Variants in YIPF1 observed in about 807,000 individuals in gnomAD.
YIPF1 encodes the protein Yip1 domain family member 1.
A neutral mutation model predicts 37.0 loss-of-function variants in YIPF1; 22 were observed. That is an observed-to-expected ratio of 0.59 (90% CI 0.42 to 0.85). YIPF1 has a LOEUF of 0.85. Among genes scored for constraint, YIPF1 ranks in the 40% least tolerant of loss-of-function variants. The pLI, the probability that YIPF1 is intolerant of heterozygous loss-of-function variation, is 0.00. For missense variants in YIPF1, 355 were observed against 373.1 expected (o/e 0.95, Z 0.40); for synonymous variants, 128 against 131.9 (o/e 0.97, Z 0.21).
intron 4 of YIPF1, among the ~76,000 whole-genome samples, chr1:53,882,774 C>T (rs1256776133): frequency 1.9e-5 from 2 of 106,120 alleles, no homozygotes; most frequent in Non-Finnish European, 3.8e-5. Flanking sequence ...TGTTATCTTT[C>T]CTACATAGCA....
At chr1:53,856,633 C>T (rs991823401) in intron 10 of YIPF1, among the ~76,000 whole-genome samples, 7 of 152,178 alleles carry the variant, frequency 4.6e-5, no homozygotes, top group Admixed American at 4.6e-4. Context: ...CAAACAAGAG[C>T]CCCTCTCTGA....
chr1:53,871,890 GA>G (rs1307528672), intron 6 of YIPF1, among the ~76,000 whole-genome samples: 1 of 152,058 alleles, frequency 6.6e-6, no homozygotes, highest in Non-Finnish European at 1.5e-5. Flanking sequence ...GCATCACAGA[GA>G]AAGAAGTTAA....
intron 10 of YIPF1, among the ~76,000 whole-genome samples, chr1:53,857,777 C>T (rs1649758873): frequency 6.6e-6 from 1 of 151,966 alleles, no homozygotes; most frequent in African/African-American, 2.4e-5. Flanking sequence ...GTCAGGAGTT[C>T]GAGACCAGCC....
At chr1:53,874,855 A>G (rs1650294411) in intron 6 of YIPF1, among the ~76,000 whole-genome samples, 1 of 152,192 alleles carries the variant, frequency 6.6e-6, no homozygotes, top group Non-Finnish European at 1.5e-5. Context: ...AGATTTATCT[A>G]TATTTATGCT....
chr1:53,864,413 C>T lies in YIPF1; in HGVS notation c.831+1787G>A, dbSNP rs902475873. Among the ~76,000 whole-genome samples, 4 of 152,234 alleles carry T rather than the reference C, an allele frequency of 2.6e-5. No homozygotes were observed. The East Asian group carries it at 5.8e-4, about 22-fold the overall frequency. On this transcript the variant is annotated intron_variant, in intron 9 of 10. Coordinates refer to ENST00000072644, the MANE Select transcript of YIPF1 (RefSeq NM_018982.5). ...GCCTTGAGGGCTTAAAGCTTACGCA[C>T]ATGTAAAGTGCATGTAAACTAGGTT... is the stretch of plus-strand genomic sequence containing the variant.
At position 53,866,894 on chromosome 1, in the gene YIPF1, T is replaced by C. The variant is rs369762082; in HGVS notation, c.512A>G (p.Tyr171Cys). 1.9e-6 allele frequency: 3 copies of C among 1,613,666 alleles called. No homozygotes were observed. Among genetic ancestry groups the C allele is most frequent in the Non-Finnish European group, 2.5e-6 (3 of 1,179,780 alleles). The change falls in exon 8 of 11, where the codon TAT (tyrosine) becomes TGT (cysteine). Residue 171 changes from tyrosine (Y) to cysteine (C), a missense_variant. By Grantham distance (194) the Tyr-to-Cys change is radical. Transcript: ENST00000072644. Reference protein sequence around the residue: ...VSIAATIIYAYAWLVPLALWG... With the variant: ...VSIAATIIYACAWLVPLALWG... ...GAGTGCAAGAGGAACCAGCCAGGCA[T>C]AGGCATAGATGATGGTAGCTGCTAT...
chr1:53,866,448 G>A, intron 8 of YIPF1, 66 bp from the exon 9 acceptor site: 1 of 1,533,648 alleles, frequency 6.5e-7, no homozygotes, highest in Non-Finnish European at 8.9e-7. Context: ...AGGCACATAT[G>A]TTTACAAAGG....
At chr1:53,852,964 G>A (rs539095391) in intron 10 of YIPF1, among the ~76,000 whole-genome samples, 2 of 152,252 alleles carry the variant, frequency 1.3e-5, no homozygotes, top group African/African-American at 4.8e-5. Context: ...CTGAACACTG[G>A]GTATGGTAAC....
At chr1:53,882,560 C>A (rs1216363962) in intron 4 of YIPF1, among the ~76,000 whole-genome samples, 1 of 151,976 alleles carries the variant, frequency 6.6e-6, no homozygotes, top group Non-Finnish European at 1.5e-5. Context: ...CAAGCTCAAG[C>A]AATCCTCCCA....
At chr1:53,882,017 A>C (rs1650514469) in intron 4 of YIPF1, among the ~76,000 whole-genome samples, 1 of 152,238 alleles carries the variant, frequency 6.6e-6, no homozygotes, top group Non-Finnish European at 1.5e-5. Context: ...CAACCATGGA[A>C]TACTACGCAG....
intron 7 of YIPF1, among the ~76,000 whole-genome samples, chr1:53,869,457 T>G (rs942419908): frequency 4.6e-5 from 7 of 152,194 alleles, no homozygotes; most frequent in Non-Finnish European, 1.0e-4. Context: ...ATAAATATTA[T>G]TATTTCCATT....
intron 4 of YIPF1, among the ~76,000 whole-genome samples, chr1:53,880,769 C>A (rs1403985347): frequency 6.6e-6 from 1 of 152,148 alleles, no homozygotes; most frequent in East Asian, 1.9e-4. Context: ...ACGTCTACAA[C>A]CATCTGATCT....
intron 6 of YIPF1, among the ~76,000 whole-genome samples, chr1:53,876,505 T>C (rs1471927914): frequency 2.0e-5 from 3 of 152,232 alleles, no homozygotes; most frequent in Non-Finnish European, 4.4e-5. Flanking sequence ...ACCTTCTTCT[T>C]TTAACCACGT....
chr1:53,870,841 T>A (rs1650168116), intron 7 of YIPF1, among the ~76,000 whole-genome samples: 1 of 151,492 alleles, frequency 6.6e-6, no homozygotes, highest in African/African-American at 2.4e-5. Context: ...GGGAGACCTA[T>A]CTCTATAAAA....
rs1650041888 is a variant in YIPF1, at chr1:53,866,919, T to C, written c.487A>G (p.Ile163Val). ...HYVPEFRKVS[I>V]AATIIYAYAW... The stretch of plus-strand genomic sequence containing the variant: ...TAGGCATAGATGATGGTAGCTGCTA[T>C]GGACACTGAGGATGACAGGACACAA... The change falls in exon 8 of 11, where the codon ATA becomes GTA. Residue 163 changes from isoleucine to valine, a missense_variant. By Grantham distance (29) the Ile-to-Val change is conservative (BLOSUM62 3). Transcript: ENST00000072644. 3 of 1,610,566 alleles carry C rather than the reference T, an allele frequency of 1.9e-6. No individual in the cohort carries two copies. The highest frequency in any genetic ancestry group is 1.3e-5 in the African/African-American group (1 of 74,922).
intron 7 of YIPF1, among the ~76,000 whole-genome samples, chr1:53,869,925 T>C (rs922280339): frequency 6.8e-6 from 1 of 147,194 alleles, no homozygotes; most frequent in African/African-American, 2.5e-5. Flanking sequence ...CAGGCTAGAG[T>C]GCAGTAGCGT....
At position 53,873,203 on chromosome 1, in the gene YIPF1, G is replaced by C. The variant is rs1002821479; in HGVS notation, c.365-1715C>G. On this transcript the variant is annotated intron_variant, in intron 6 of 10. Coordinates refer to ENST00000072644, the MANE Select transcript of YIPF1 (RefSeq NM_018982.5). ...GCCTCTAGTGCACCCATGCACTCCGGGGAGACGATCAATAAAATATCTAAT... is the reference window on the plus strand; with the variant it reads ...GCCTCTAGTGCACCCATGCACTCCGCGGAGACGATCAATAAAATATCTAAT... Among the ~76,000 whole-genome samples the C allele has an allele frequency of 7.2e-5, 11 of 152,288 alleles. 1 individual carries two copies. Among genetic ancestry groups the C allele is most frequent in the African/African-American group, 2.4e-4 (10 of 41,560 alleles).
At chr1:53,881,802 G>C (rs965494698) in intron 4 of YIPF1, among the ~76,000 whole-genome samples, 1 of 152,116 alleles carries the variant, frequency 6.6e-6, no homozygotes, top group Non-Finnish European at 1.5e-5. Flanking sequence ...ACAGTGTGGC[G>C]ATTCCTCAAA....
chr1:53,868,347 G>A (rs1007184608), intron 7 of YIPF1, among the ~76,000 whole-genome samples: 2 of 152,110 alleles, frequency 1.3e-5, no homozygotes, highest in African/African-American at 2.4e-5. Context: ...ATGGGTTCTA[G>A]TTCTAGGAAA....
Sources: allele counts gnomAD v4.1 joint callset (sites outside exome capture counted in the v4.1 genomes callset), GRCh38; gene constraint gnomAD v4.1.1; transcripts MANE v1.5; gene names NCBI Gene and HGNC (gene_info 2026-07-23, HGNC 2026-07-21).